BBS9: variants seen among roughly 807,000 people sequenced by gnomAD.
The protein encoded by BBS9 is protein PTHB1.
BBS9 carries 89 observed loss-of-function variants against 117.7 expected under a neutral mutation model. The ratio of observed to expected loss-of-function variants is 0.76; its 90% CI spans 0.64 to 0.90. The LOEUF is 0.90. Ranked by LOEUF, BBS9 falls within the 40% of genes least tolerant of loss-of-function variation. BBS9 has a pLI of 0.00. For missense variants in BBS9, 982 were observed against 1,042.2 expected (o/e 0.94, Z 0.80); for synonymous variants, 379 against 370.9 (o/e 1.02, Z -0.25).
chr7:33,593,143 C>T (rs1231941283), intron 21 of BBS9, among the ~76,000 whole-genome samples: 2 of 152,088 alleles, frequency 1.3e-5, no homozygotes, highest in Non-Finnish European at 2.9e-5. Flanking sequence ...ATCACAAATA[C>T]CTTCTTTTCA....
intron 9 of BBS9, among the ~76,000 whole-genome samples, chr7:33,312,847 T>A (rs897357206): frequency 2.6e-5 from 4 of 152,180 alleles, no homozygotes; most frequent in Non-Finnish European, 5.9e-5. Flanking sequence ...TTTCTTTTGT[T>A]CATTATTTTT....
At chr7:33,474,554 A>G (rs1385446216) in intron 19 of BBS9, among the ~76,000 whole-genome samples, 2 of 152,180 alleles carry the variant, frequency 1.3e-5, no homozygotes, top group Non-Finnish European at 2.9e-5. Flanking sequence ...TAATTGCGAG[A>G]TGGCTGCTGC....
At chr7:33,504,341 G>A (rs1845853402) in intron 19 of BBS9, among the ~76,000 whole-genome samples, 1 of 152,070 alleles carries the variant, frequency 6.6e-6, no homozygotes. Context: ...CTCTTTTCCA[G>A]TATCTCCGAG....
intron 21 of BBS9, among the ~76,000 whole-genome samples, chr7:33,630,938 G>A (rs530169343): frequency 3.4e-4 from 52 of 152,268 alleles, no homozygotes; most frequent in Non-Finnish European, 3.8e-4. Context: ...TGCCCTCATG[G>A]GATTACAGCC....
chr7:33,394,254 C>G (rs1563112600), intron 19 of BBS9, among the ~76,000 whole-genome samples: 1 of 152,102 alleles, frequency 6.6e-6, no homozygotes, highest in Non-Finnish European at 1.5e-5. Flanking sequence ...TTTCCAGGGA[C>G]ATGGATGGAG....
chr7:33,133,093 T>A (rs1339601573), intron 1 of BBS9, among the ~76,000 whole-genome samples: 1 of 152,016 alleles, frequency 6.6e-6, no homozygotes, highest in Non-Finnish European at 1.5e-5. Context: ...CCTGGCCTAA[T>A]GGTAAATGTG....
chr7:33,324,474 G>C (rs928081286), intron 9 of BBS9, among the ~76,000 whole-genome samples: 1 of 151,916 alleles, frequency 6.6e-6, no homozygotes, highest in African/African-American at 2.4e-5. Flanking sequence ...TCATCTTTTA[G>C]TCTTCTTACT....
chr7:33,598,553 C>T (rs1863281198), intron 21 of BBS9, among the ~76,000 whole-genome samples: 1 of 152,050 alleles, frequency 6.6e-6, no homozygotes, highest in Non-Finnish European at 1.5e-5. Context: ...AACACATGTA[C>T]CACACTAATG....
chr7:33,152,928 A>G, intron 3 of BBS9, 77 bp downstream of exon 3: 2 of 1,452,988 alleles, frequency 1.4e-6, no homozygotes, highest in Non-Finnish European at 1.9e-6. Flanking sequence ...TGTATTCTTC[A>G]AAGAAGACTA....
At chr7:33,400,799 G>T (rs1242795696) in intron 19 of BBS9, among the ~76,000 whole-genome samples, 1 of 152,130 alleles carries the variant, frequency 6.6e-6, no homozygotes, top group Admixed American at 6.5e-5. Flanking sequence ...ATAAATTAAG[G>T]TGCTGTACTT....
At chr7:33,347,727 A>G (rs1339161425) in intron 12 of BBS9, among the ~76,000 whole-genome samples, 3 of 151,510 alleles carry the variant, frequency 2.0e-5, no homozygotes, top group Non-Finnish European at 4.4e-5. Flanking sequence ...ATATTCTTGT[A>G]TATATAAAAA....
chr7:33,248,835 G>A (rs1223297974), intron 5 of BBS9, among the ~76,000 whole-genome samples: 1 of 152,054 alleles, frequency 6.6e-6, no homozygotes, highest in Non-Finnish European at 1.5e-5. Flanking sequence ...GATGTTTCCT[G>A]TCTGCCTTTT....
At chr7:33,539,037 G>T (rs1444141803) in intron 21 of BBS9, among the ~76,000 whole-genome samples, 1 of 152,214 alleles carries the variant, frequency 6.6e-6, no homozygotes, top group African/African-American at 2.4e-5. Context: ...CTCACTAAGT[G>T]TGAGCTTCTG....
At chr7:33,560,308 A>T (rs774442412) in intron 21 of BBS9, among the ~76,000 whole-genome samples, 1 of 151,982 alleles carries the variant, frequency 6.6e-6, no homozygotes, top group Non-Finnish European at 1.5e-5. Context: ...TATTCTGGGT[A>T]GGAACAAGAT....
chr7:33,234,440 C>A (rs943873444), intron 5 of BBS9, among the ~76,000 whole-genome samples: 1 of 151,866 alleles, frequency 6.6e-6, no homozygotes. Flanking sequence ...AAGCAATTAA[C>A]GTTCCATTAC....
At chr7:33,259,207 CAATT>C (rs1282444411) in intron 6 of BBS9, among the ~76,000 whole-genome samples, 2 of 152,132 alleles carry the variant, frequency 1.3e-5, no homozygotes, top group Non-Finnish European at 2.9e-5. Flanking sequence ...ATAATATAAT[CAATT>C]AATAGAATAG....
intron 9 of BBS9, among the ~76,000 whole-genome samples, chr7:33,303,421 G>A (rs1375506795): frequency 6.6e-6 from 1 of 151,750 alleles, no homozygotes; most frequent in Non-Finnish European, 1.5e-5. Context: ...TTATTGTGTT[G>A]AAGTATGTTC....
At chr7:33,466,768 A>G (rs868283243) in intron 19 of BBS9, among the ~76,000 whole-genome samples, 8 of 152,160 alleles carry the variant, frequency 5.3e-5, no homozygotes, top group Non-Finnish European at 1.2e-4. Context: ...GAATAGGACA[A>G]TGCCAAGTGT....
At chr7:33,280,911 G>GTTTTTTTTTTTTTTTTTTTTT (rs150736523) in intron 9 of BBS9, among the ~76,000 whole-genome samples, 1 of 79,392 alleles carries the variant, frequency 1.3e-5, no homozygotes, top group Non-Finnish European at 2.3e-5. Context: ...TGTCGTTTTT[G>GTTTTTTTTTTTTTTTTTTTTT]TTTTTTTTTT....
Sources: gnomAD v4.1 joint callset for allele counts (sites outside exome capture counted in the v4.1 genomes callset) on GRCh38, gnomAD v4.1.1 for gene constraint, MANE v1.5 for transcripts, NCBI Gene and HGNC (gene_info 2026-07-23, HGNC 2026-07-21) for gene names.